The following PTPRN2 variants were observed in gnomAD, a reference collection of about 807,000 sequenced individuals.
PTPRN2 encodes receptor-type tyrosine-protein phosphatase N2.
PTPRN2 carries 74 observed loss-of-function variants against 118.8 expected under a neutral mutation model. The ratio of observed to expected loss-of-function variants is 0.62; its 90% CI spans 0.52 to 0.76. The LOEUF is 0.76. Among genes scored for constraint, PTPRN2 ranks in the 30% least tolerant of loss-of-function variants. PTPRN2 has a pLI of 0.00. For missense variants in PTPRN2, 1,481 were observed against 1,394.4 expected (o/e 1.06, Z -0.99); for synonymous variants, 641 against 608.0 (o/e 1.05, Z -0.80).
intron 12 of PTPRN2, among the ~76,000 whole-genome samples, chr7:157,688,564 G>C (rs548545323): frequency 6.6e-6 from 1 of 152,260 alleles, no homozygotes; most frequent in East Asian, 1.9e-4. Context: ...TGGCCCGCCC[G>C]CCTGGTCCCC....
chr7:158,311,968 C>T (rs912551714), intron 3 of PTPRN2, among the ~76,000 whole-genome samples: 18 of 152,228 alleles, frequency 1.2e-4, no homozygotes, highest in Admixed American at 8.5e-4. Flanking sequence ...CATGCACTCA[C>T]GTGCTCACAT....
At chr7:157,786,774 G>A (rs759531115) in intron 12 of PTPRN2, among the ~76,000 whole-genome samples, 2 of 152,372 alleles carry the variant, frequency 1.3e-5, no homozygotes, top group Middle Eastern at 3.4e-3. Flanking sequence ...TTAAAAACGC[G>A]TAAGACTCAC....
At chr7:158,400,768 T>A (rs1812875888) in intron 2 of PTPRN2, among the ~76,000 whole-genome samples, 1 of 151,862 alleles carries the variant, frequency 6.6e-6, no homozygotes, top group Admixed American at 6.6e-5. Context: ...CTCTCTGGAG[T>A]GCAGGCATCC....
Position 158,067,982 on chromosome 7 carries a change from T to C in PTPRN2, c.1723+13316A>G, listed in dbSNP as rs111585273. Reference sequence around the variant, plus strand: ...GTCTGAGGACAGCCGCTGAGGCTCTTCCTGTGGGGTGGCATGGACCTTGCA... The same window carrying C: ...GTCTGAGGACAGCCGCTGAGGCTCTCCCTGTGGGGTGGCATGGACCTTGCA... On this transcript the variant is annotated intron_variant, in intron 11 of 22. Transcript: ENST00000389418. 7.0e-3 allele frequency among the ~76,000 whole-genome samples: 1,070 copies of C among 152,196 alleles called. 15 individuals are homozygous for C. The highest frequency in any genetic ancestry group is 0.025 in the African/African-American group (1,034 of 41,542).
chr7:158,133,839 G>A lies in PTPRN2; in HGVS notation c.1394C>T (p.Pro465Leu). 1 of 1,613,960 alleles carries A rather than the reference G, an allele frequency of 6.2e-7. No homozygotes were observed. Among genetic ancestry groups the A allele is most frequent in the Non-Finnish European group, 8.5e-7 (1 of 1,180,022 alleles). ...GAGCTCCCCAAACGCAGCGGCCCCGGGCTCCGAATGCGGCTGCTGCCCCAG... is the reference window on the plus strand; with the variant it reads ...GAGCTCCCCAAACGCAGCGGCCCCGAGCTCCGAATGCGGCTGCTGCCCCAG... ...DLLGQQPHSE[P>L]GAAAFGELQN... Residue 465 changes from proline to leucine, a missense_variant, in exon 9 of 23, where the codon CCC (proline) becomes CTC (leucine). Transcript: ENST00000389418.
chr7:157,621,367 A>G lies in PTPRN2; in HGVS notation c.2339T>C (p.Leu780Pro), dbSNP rs193920806. 1.6e-4 allele frequency: 257 copies of G among 1,611,900 alleles called. No individual in the cohort carries two copies. Among genetic ancestry groups the G allele is most frequent in the Non-Finnish European group, 1.9e-4 (225 of 1,178,488 alleles). The change falls in exon 15 of 23, where the codon CTG becomes CCG. Residue 780 changes from leucine (L) to proline (P), a missense_variant. Leu to Pro is a moderately conservative substitution (Grantham distance 98). This residue lies in a region of PTPRN2 where 362 missense variants were observed against 384.1 expected (regional missense o/e 0.94). Transcript: ENST00000389418. ...NVPKNRSLAV[L>P]TYDHSRVLLK... ...CCCCCGGGGCTGGTACGTACAGGTCAGCACGGCCAGGGAGCGGTTCTTGGG... is the reference window on the plus strand; with the variant it reads ...CCCCCGGGGCTGGTACGTACAGGTCGGCACGGCCAGGGAGCGGTTCTTGGG...
At chr7:157,812,987 T>A (rs1806152565) in intron 12 of PTPRN2, among the ~76,000 whole-genome samples, 1 of 152,084 alleles carries the variant, frequency 6.6e-6, no homozygotes, top group Admixed American at 6.5e-5. Context: ...CTCCCTAATT[T>A]CACCCGGACC....
chr7:158,492,863 C>T (rs932043389), intron 1 of PTPRN2, among the ~76,000 whole-genome samples: 1 of 152,240 alleles, frequency 6.6e-6, no homozygotes, highest in African/African-American at 2.4e-5. Flanking sequence ...CGAGTGGGCT[C>T]CACACCCGCC....
rs1563241021 is a variant in PTPRN2 at position 157,591,762 on chromosome 7, T to C, written c.2496+3476A>G. On this transcript the variant is annotated intron_variant, in intron 17 of 22. Coordinates refer to ENST00000389418, the MANE Select transcript of PTPRN2 (RefSeq NM_002847.5). This position sits in a 1 kb window ranked among gnomAD's most constrained non-coding sequence, Gnocchi z 4.4. ...GCCTCCCAGGCAAATGTGACTGTGC[T>C]AGGAAGCAACTCTCCTCCATCCTGC... Among the ~76,000 whole-genome samples the C allele has an allele frequency of 6.6e-6, 1 of 152,216 alleles. No homozygotes were observed. The highest frequency in any genetic ancestry group is 1.9e-4 in the East Asian group (1 of 5,196).
chr7:157,752,613 C>T (rs1462715952), intron 12 of PTPRN2, among the ~76,000 whole-genome samples: 2 of 152,268 alleles, frequency 1.3e-5, no homozygotes, highest in Non-Finnish European at 2.9e-5. Flanking sequence ...GATCCTCTCC[C>T]CAGCCACAAG....
At chr7:157,980,124 T>C (rs1803024935) in intron 11 of PTPRN2, among the ~76,000 whole-genome samples, 1 of 152,190 alleles carries the variant, frequency 6.6e-6, no homozygotes, top group Admixed American at 6.5e-5. Context: ...TTGGTAAAAA[T>C]TCAGTACTGA....
chr7:157,917,962 T>A (rs1212462635), intron 11 of PTPRN2, among the ~76,000 whole-genome samples: 1 of 152,254 alleles, frequency 6.6e-6, no homozygotes, highest in Non-Finnish European at 1.5e-5. Context: ...TAAGATTTTT[T>A]TGTATTAAAA....
intron 12 of PTPRN2, among the ~76,000 whole-genome samples, chr7:157,745,995 G>A (rs1800904077): frequency 7.0e-6 from 1 of 142,920 alleles, no homozygotes; most frequent in Non-Finnish European, 1.5e-5. Flanking sequence ...ACAGGGCCCT[G>A]AGTGTGGAGA....
intron 2 of PTPRN2, among the ~76,000 whole-genome samples, chr7:158,358,908 T>A (rs1808604323): frequency 6.6e-6 from 1 of 152,188 alleles, no homozygotes; most frequent in Non-Finnish European, 1.5e-5. Flanking sequence ...CTGAACTATA[T>A]CCCTAAATGG....
rs1803895472 is a variant in PTPRN2 at position 157,987,527 on chromosome 7, CA to C, written c.1724-88791del. On this transcript the variant is annotated intron_variant, in intron 11 of 22. Coordinates refer to ENST00000389418, the MANE Select transcript of PTPRN2 (RefSeq NM_002847.5). This position sits in a 1 kb window ranked among gnomAD's most constrained non-coding sequence, Gnocchi z 4.3. Reference sequence around the variant, plus strand: ...ATTATCTCTTGCATAAGAGACTTCCCAGGGGCAGAGCAGACCCGGTGGACAG... The same window carrying C: ...ATTATCTCTTGCATAAGAGACTTCCCGGGGCAGAGCAGACCCGGTGGACAG... Among the ~76,000 whole-genome samples, 1 of 152,100 alleles carries C rather than the reference CA, an allele frequency of 6.6e-6. No homozygotes were observed. Among genetic ancestry groups the C allele is most frequent in the African/African-American group, 2.4e-5 (1 of 41,408 alleles).
At chr7:158,272,640 C>T (rs1042131707) in intron 3 of PTPRN2, among the ~76,000 whole-genome samples, 6 of 152,190 alleles carry the variant, frequency 3.9e-5, no homozygotes, top group African/African-American at 1.4e-4. Context: ...AGGCAGGAGC[C>T]AACCTCACAG....
chr7:158,443,744 G>C (rs892930928), intron 2 of PTPRN2, among the ~76,000 whole-genome samples: 2 of 152,174 alleles, frequency 1.3e-5, no homozygotes, highest in African/African-American at 4.8e-5. Flanking sequence ...TCAGCAGGGA[G>C]GGTTCCAAGG....
At chr7:158,538,808 G>A (rs753336514) in intron 1 of PTPRN2, among the ~76,000 whole-genome samples, 9 of 152,158 alleles carry the variant, frequency 5.9e-5, no homozygotes, top group South Asian at 4.1e-4. Flanking sequence ...AGTGATTCTC[G>A]CAGCCTCGTA....
At chr7:158,515,490 C>T (rs74856635) in intron 1 of PTPRN2, among the ~76,000 whole-genome samples, 2,339 of 152,150 alleles carry the variant, frequency 0.015, 70 homozygotes, top group African/African-American at 0.054. Context: ...CCCAGCCGTG[C>T]GAATGTAATT....
Sources: gnomAD v4.1 joint callset for allele counts (sites outside exome capture counted in the v4.1 genomes callset) on GRCh38, gnomAD v4.1.1 for gene constraint, gnomAD v4.1.1 regional missense constraint, Gnocchi (gnomAD v3.1) non-coding constraint, MANE v1.5 for transcripts, NCBI Gene and HGNC (gene_info 2026-07-23, HGNC 2026-07-21) for gene names.